PTPRM: variants seen among roughly 807,000 people sequenced by gnomAD.
PTPRM encodes receptor-type tyrosine-protein phosphatase mu.
In PTPRM, 47 loss-of-function variants were observed where a neutral mutation model predicts 186.7. The ratio of observed to expected loss-of-function variants is 0.25; its 90% CI spans 0.20 to 0.32. PTPRM has a LOEUF of 0.32. Among genes scored for constraint, PTPRM ranks in the 10% least tolerant of loss-of-function variants. PTPRM has a pLI of 1.00. For missense variants in PTPRM, 1,494 were observed against 1,865.0 expected (o/e 0.80, Z 3.66); for synonymous variants, 668 against 674.9 (o/e 0.99, Z 0.16).
intron 1 of PTPRM, among the ~76,000 whole-genome samples, chr18:7,601,623 T>G (rs570582344): frequency 2.6e-5 from 4 of 152,348 alleles, no homozygotes; most frequent in African/African-American, 9.6e-5. Context: ...GTGTGTCTCT[T>G]TTAAGGATCT....
intron 13 of PTPRM, among the ~76,000 whole-genome samples, chr18:8,122,872 C>T (rs1030910480): frequency 6.6e-6 from 1 of 152,126 alleles, no homozygotes; most frequent in African/African-American, 2.4e-5. Flanking sequence ...GATTGCATTC[C>T]TTATAGATCC....
In PTPRM at chr18:7,774,156, C is replaced by T. The variant is rs2042470165; in HGVS notation, c.81C>T (p.Cys27=). 1 of 1,608,890 alleles carries T rather than the reference C, an allele frequency of 6.2e-7. No homozygotes were observed. The highest frequency in any genetic ancestry group is 1.7e-5 in the Admixed American group (1 of 59,794). ...TATTCTTTTACATTTTAGGTGGCTG[C>T]CTCTTTGATGAGCCGTATAGCACAT... The part of the protein sequence containing the change: ...TAAGETFSGG[C]LFDEPYSTCG... The change falls in exon 2 of 33, where the codon TGC becomes TGT. Residue 27 remains cysteine (C), a synonymous_variant. Transcript: ENST00000580170.
intron 4 of PTPRM, among the ~76,000 whole-genome samples, chr18:7,921,001 C>T (rs1312142459): frequency 6.6e-6 from 1 of 152,098 alleles, no homozygotes; most frequent in Non-Finnish European, 1.5e-5. Context: ...CTTCTTTTCT[C>T]TTGCTACTTT....
intron 1 of PTPRM, among the ~76,000 whole-genome samples, chr18:7,729,664 G>C (rs1343888554): frequency 4.6e-5 from 7 of 152,076 alleles, no homozygotes; most frequent in Non-Finnish European, 7.4e-5. Flanking sequence ...CATATTGTCA[G>C]TTCTGGAGCC....
At chr18:7,628,736 A>ATGC (rs2038120448) in intron 1 of PTPRM, among the ~76,000 whole-genome samples, 3 of 152,168 alleles carry the variant, frequency 2.0e-5, no homozygotes, top group Admixed American at 2.0e-4. Flanking sequence ...ACTGTCCTAA[A>ATGC]TGCTGCTGCT....
At chr18:8,386,751 G>T (rs1057514133) in intron 30 of PTPRM, among the ~76,000 whole-genome samples, 3 of 152,112 alleles carry the variant, frequency 2.0e-5, no homozygotes, top group Non-Finnish European at 2.9e-5. Flanking sequence ...ACCTGTAATT[G>T]AAGTTATTTT....
Position 7,897,964 on chromosome 18 carries a change from A to G in PTPRM, c.469-8541A>G, listed in dbSNP as rs576397749. 7.9e-5 allele frequency among the ~76,000 whole-genome samples: 12 copies of G among 152,330 alleles called. No homozygotes were observed. In the East Asian group the frequency reaches 2.1e-3, roughly 27 times the overall value. On this transcript the variant is annotated intron_variant, in intron 3 of 32. Transcript: ENST00000580170. ...AAAAATAACATTGCAAGCACTAATAATTAGCTCCATTGCAAATTTTGCTGT... is the reference window on the plus strand; with the variant it reads ...AAAAATAACATTGCAAGCACTAATAGTTAGCTCCATTGCAAATTTTGCTGT...
chr18:8,171,535 C>T (rs561099505), intron 14 of PTPRM, among the ~76,000 whole-genome samples: 1 of 152,156 alleles, frequency 6.6e-6, no homozygotes, highest in Non-Finnish European at 1.5e-5. Context: ...GAAAGAGAAT[C>T]ACAACCAAGA....
chr18:7,803,272 G>A (rs1224523237), intron 2 of PTPRM, among the ~76,000 whole-genome samples: 4 of 152,168 alleles, frequency 2.6e-5, no homozygotes, highest in Admixed American at 6.5e-5. Context: ...TGCTTCTGGA[G>A]GCTCTCAGGG....
chr18:8,384,505 G>C lies in PTPRM; in HGVS notation c.3919-56G>C, dbSNP rs140588478. On this transcript the variant is annotated intron_variant, in intron 29 of 32. Transcript: ENST00000580170. ...TGTCAATACTAACCTTATCCAAACTGTTAGGAGTAAATTTCCTCTTATAAC... is the reference window on the plus strand; with the variant it reads ...TGTCAATACTAACCTTATCCAAACTCTTAGGAGTAAATTTCCTCTTATAAC... 3.9e-5 allele frequency: 62 copies of C among 1,597,426 alleles called. No individual in the cohort carries two copies. In the African/African-American group the frequency reaches 6.8e-4, roughly 18 times the overall value.
intron 32 of PTPRM, chr18:8,399,594 G>A (rs1174693353): frequency 2.0e-5 from 3 of 152,218 alleles, no homozygotes; most frequent in Non-Finnish European, 2.9e-5. Context: ...TGTCCCAAGA[G>A]TTATCTTGTT....
At chr18:7,663,083 C>T (rs1019586955) in intron 1 of PTPRM, among the ~76,000 whole-genome samples, 1 of 152,098 alleles carries the variant, frequency 6.6e-6, no homozygotes, top group African/African-American at 2.4e-5. Context: ...AGGACGTGGA[C>T]TCTGAGGGCT....
At position 8,245,810 on chromosome 18, in the gene PTPRM, ATCT is replaced by A. The variant is rs564226718; in HGVS notation, c.2452+1606_2452+1608del. ...AGAATCACTCATCCCAAAAGCAAGA[ATCT>A]TCTTTAGTAGTTCTAGGTGTTTGAA... On this transcript the variant is annotated intron_variant, in intron 15 of 32. Transcript: ENST00000580170. Among the ~76,000 whole-genome samples, 550 of 152,340 alleles carry A rather than the reference ATCT, an allele frequency of 3.6e-3. 3 individuals are homozygous for A. The highest frequency in any genetic ancestry group is 0.013 in the African/African-American group (523 of 41,572).
chr18:7,763,696 A>G (rs2041887580), intron 1 of PTPRM, among the ~76,000 whole-genome samples: 1 of 152,234 alleles, frequency 6.6e-6, no homozygotes, highest in Non-Finnish European at 1.5e-5. Context: ...CCCAATGAAT[A>G]TAATGTGTAG....
chr18:7,958,329 C>G (rs1225322434), intron 7 of PTPRM, among the ~76,000 whole-genome samples: 2 of 152,012 alleles, frequency 1.3e-5, no homozygotes, highest in South Asian at 4.1e-4. Flanking sequence ...ATAATTCTCA[C>G]ATTTATTTCT....
intron 23 of PTPRM, among the ~76,000 whole-genome samples, chr18:8,344,448 G>GTGTGTATGTATATATATATA (rs1360655194): frequency 1.2e-4 from 4 of 33,418 alleles, no homozygotes; most frequent in African/African-American, 3.0e-4. Context: ...GTGTGTGTGT[G>GTGTGTATGTATATATATATA]TATATATATA....
intron 7 of PTPRM, among the ~76,000 whole-genome samples, chr18:7,958,299 C>T (rs185671478): frequency 6.6e-6 from 1 of 151,842 alleles, no homozygotes; most frequent in Admixed American, 6.6e-5. Context: ...CTTACTCTAC[C>T]AGTGCTGTTT....
rs187332103 is a variant in PTPRM, at chr18:7,983,793, T to C, written c.1132+28379T>C. Among the ~76,000 whole-genome samples the C allele has an allele frequency of 1.6e-4, 24 of 152,308 alleles. No individual in the cohort carries two copies. In the East Asian group the frequency reaches 3.9e-3, roughly 25 times the overall value. On this transcript the variant is annotated intron_variant, in intron 7 of 32. Coordinates refer to ENST00000580170, the MANE Select transcript of PTPRM (RefSeq NM_001105244.2). The stretch of plus-strand genomic sequence containing the variant: ...CATTATCAAGTTATCTCAGCACTTA[T>C]TTAATGTGTGTTTAGCTGCTTTAGC...
At chr18:7,707,310 A>G (rs2040115337) in intron 1 of PTPRM, among the ~76,000 whole-genome samples, 1 of 152,098 alleles carries the variant, frequency 6.6e-6, no homozygotes, top group Admixed American at 6.5e-5. Context: ...ATATAAATTG[A>G]CATACCGTGC....
Sources: gnomAD v4.1 joint callset for allele counts (sites outside exome capture counted in the v4.1 genomes callset) on GRCh38, gnomAD v4.1.1 for gene constraint, MANE v1.5 for transcripts, NCBI Gene and HGNC (gene_info 2026-07-23, HGNC 2026-07-21) for gene names.